The following CAB39 variants were observed in gnomAD, a reference collection of about 807,000 sequenced individuals.
CAB39 encodes calcium binding protein 39.
A neutral mutation model predicts 40.0 loss-of-function variants in CAB39; 8 were observed. The ratio of observed to expected loss-of-function variants is 0.20; its 90% confidence interval spans 0.12 to 0.36. The LOEUF (loss-of-function observed/expected upper bound fraction) is 0.36, where lower values mean the gene tolerates loss of function less well. Among genes scored for constraint, CAB39 ranks in the 10% least tolerant of loss-of-function variants. The pLI is 1.00. For synonymous variants in CAB39, 156 were observed against 141.6 expected (o/e 1.10, Z -0.72); for missense variants, 270 against 401.1 (o/e 0.67, Z 2.79).
At chr2:230,719,988 C>T (rs973830681) in intron 1 of CAB39, among the ~76,000 whole-genome samples, 3 of 152,134 alleles carry the variant, frequency 2.0e-5, no homozygotes, top group African/African-American at 7.2e-5. Flanking sequence ...ATGAGAATAA[C>T]ATCAAAATGT....
chr2:230,813,564 T>C (rs1253815380), intron 6 of CAB39, among the ~76,000 whole-genome samples: 2 of 152,220 alleles, frequency 1.3e-5, no homozygotes, highest in Non-Finnish European at 2.9e-5. Context: ...TTACTTTTTC[T>C]CTTTGCCTGA....
At chr2:230,786,612 A>G (rs1695798880) in intron 2 of CAB39, among the ~76,000 whole-genome samples, 1 of 152,242 alleles carries the variant, frequency 6.6e-6, no homozygotes, top group Admixed American at 6.5e-5. Context: ...AAATCATATA[A>G]TAAAGTATAA....
At chr2:230,770,059 C>T (rs548732936) in intron 2 of CAB39, among the ~76,000 whole-genome samples, 89 of 152,036 alleles carry the variant, frequency 5.9e-4, no homozygotes, top group African/African-American at 2.1e-3. Context: ...CACTAAATAT[C>T]TATGTTAAAA....
At chr2:230,797,135 A>T (rs190964020) in intron 4 of CAB39, among the ~76,000 whole-genome samples, 1 of 152,212 alleles carries the variant, frequency 6.6e-6, no homozygotes, top group Non-Finnish European at 1.5e-5. Flanking sequence ...ATCATTTCCA[A>T]TTGTCCAGGT....
In CAB39 at chr2:230,798,590, T is replaced by TCCG. The variant is rs1696031444; in HGVS notation, c.399-139_399-138insCCG. ...CATGCTCTGCTCCGACTGAAATACC[T>TCCG]TCTGTAATCTGCGATGGTCATTTAG... is the stretch of plus-strand genomic sequence containing the variant. On this transcript the variant is annotated intron_variant, in intron 4 of 8. Transcript: ENST00000258418. 7 of 636,052 alleles carry TCCG rather than the reference T, an allele frequency of 1.1e-5. No homozygotes were observed. The East Asian group carries it at 2.1e-4, about 19-fold the overall frequency. 39.4% of individuals were successfully genotyped at this position (636,052 alleles called of 1,614,324 possible). A position where few individuals can be genotyped will look rare whatever the true frequency, so the allele number is the denominator to read the frequency against.
At chr2:230,725,027 C>T (rs997762798) in intron 1 of CAB39, 12 of 1,263,116 alleles carry the variant, frequency 9.5e-6, no homozygotes, top group Non-Finnish European at 1.2e-5. Context: ...CCCCGGAGTA[C>T]GTCGGAGGTG....
In CAB39 at chr2:230,813,175, A is replaced by G. The variant is rs1696334209; in HGVS notation, c.628-874A>G. Among the ~76,000 whole-genome samples, 3 of 152,330 alleles carry G rather than the reference A, an allele frequency of 2.0e-5. 1 individual carries two copies. In the South Asian group the frequency reaches 6.2e-4, roughly 32 times the overall value. On this transcript the variant is annotated intron_variant, in intron 6 of 8. Coordinates refer to ENST00000258418, the MANE Select transcript of CAB39 (RefSeq NM_016289.4). ...TGTGGTTTAAACAGACAGACAAAAAATAAAATCTTAAGGCTAACTGGCCTT... is the reference window on the plus strand; with the variant it reads ...TGTGGTTTAAACAGACAGACAAAAAGTAAAATCTTAAGGCTAACTGGCCTT...
At chr2:230,796,326 G>A (rs750525798) in intron 4 of CAB39, among the ~76,000 whole-genome samples, 3 of 152,066 alleles carry the variant, frequency 2.0e-5, no homozygotes, top group Admixed American at 6.6e-5. Context: ...TATTGCTAGT[G>A]TTAGACTACA....
At chr2:230,714,471 G>A (rs1042151920) in intron 1 of CAB39, among the ~76,000 whole-genome samples, 8 of 152,206 alleles carry the variant, frequency 5.3e-5, no homozygotes, top group African/African-American at 1.9e-4. Context: ...GTAATGGAAA[G>A]GTGTCTATAA....
At chr2:230,778,848 A>G (rs534720460) in intron 2 of CAB39, among the ~76,000 whole-genome samples, 16 of 152,240 alleles carry the variant, frequency 1.1e-4, no homozygotes, top group Admixed American at 9.8e-4. Flanking sequence ...TTGGAACACA[A>G]TGGCAAGTAT....
intron 1 of CAB39, among the ~76,000 whole-genome samples, chr2:230,740,979 T>C (rs1288347441): frequency 6.6e-6 from 1 of 152,196 alleles, no homozygotes; most frequent in Non-Finnish European, 1.5e-5. Context: ...ATGAAATATA[T>C]GGAAAGGTAG....
chr2:230,732,049 A>G (rs765069675), intron 1 of CAB39, among the ~76,000 whole-genome samples: 4 of 151,728 alleles, frequency 2.6e-5, no homozygotes, highest in African/African-American at 4.8e-5. Flanking sequence ...CAAAGGAGAG[A>G]GAGCTGAGAG....
chr2:230,714,302 G>A (rs1016130065), intron 1 of CAB39, among the ~76,000 whole-genome samples: 1 of 152,208 alleles, frequency 6.6e-6, no homozygotes, highest in Non-Finnish European at 1.5e-5. Flanking sequence ...TGTGAAAGGA[G>A]AGAGGAGGAG....
chr2:230,770,062 T>G (rs1393737465), intron 2 of CAB39, among the ~76,000 whole-genome samples: 2 of 152,038 alleles, frequency 1.3e-5, no homozygotes, highest in Non-Finnish European at 2.9e-5. Flanking sequence ...TAAATATCTA[T>G]GTTAAAATAT....
chr2:230,803,521 C>T (rs1696130803), intron 5 of CAB39, among the ~76,000 whole-genome samples: 1 of 152,144 alleles, frequency 6.6e-6, no homozygotes, highest in South Asian at 2.1e-4. Flanking sequence ...CATCTCAGCC[C>T]AAAATCTCCT....
Position 230,775,724 on chromosome 2 carries a change from T to C in CAB39, c.115-15148T>C, listed in dbSNP as rs577063707. Among the ~76,000 whole-genome samples the C allele has an allele frequency of 2.6e-5, 4 of 152,340 alleles. No homozygotes were observed. The East Asian group carries it at 7.7e-4, about 29-fold the overall frequency. On this transcript the variant is annotated intron_variant, in intron 2 of 8. Transcript: ENST00000258418. ...TCATGCATGGTTGCCTTTGTTGTTG[T>C]CTACTGTCTTTACTTGCATCATTAT... is the stretch of plus-strand genomic sequence containing the variant.
chr2:230,722,662 A>G (rs1694474770), intron 1 of CAB39, among the ~76,000 whole-genome samples: 2 of 152,250 alleles, frequency 1.3e-5, no homozygotes, highest in African/African-American at 4.8e-5. Flanking sequence ...TAAGAATGCC[A>G]TGCATAGCGT....
intron 4 of CAB39, among the ~76,000 whole-genome samples, chr2:230,794,094 T>C (rs778745577): frequency 6.6e-6 from 1 of 152,078 alleles, no homozygotes; most frequent in Non-Finnish European, 1.5e-5. Context: ...TTCTATTAAG[T>C]TGGTGGGCAG....
intron 2 of CAB39, among the ~76,000 whole-genome samples, chr2:230,784,666 A>G (rs958581178): frequency 1.3e-5 from 2 of 152,204 alleles, no homozygotes; most frequent in Admixed American, 6.5e-5. Flanking sequence ...GTAATCAGCA[A>G]TTCCGAATCC....
Sources: allele counts gnomAD v4.1 joint callset (sites outside exome capture counted in the v4.1 genomes callset), GRCh38; gene constraint gnomAD v4.1.1; transcripts MANE v1.5; gene names NCBI Gene and HGNC (gene_info 2026-07-23, HGNC 2026-07-21).